Variants in IVD observed in about 807,000 individuals in gnomAD.
The protein encoded by IVD is isovaleryl-CoA dehydrogenase.
A neutral mutation model predicts 51.3 loss-of-function variants in IVD; 31 were observed. That is an observed-to-expected ratio of 0.60 (90% CI 0.45 to 0.81). The LOEUF (loss-of-function observed/expected upper bound fraction) is 0.81. Ranked by LOEUF, IVD falls within the 40% of genes least tolerant of loss-of-function variation. IVD has a pLI of 0.00. For synonymous variants in IVD, 205 were observed against 219.4 expected, an observed-to-expected ratio of 0.93 and a Z score of 0.58; for missense variants, 475 against 552.0, an observed-to-expected ratio of 0.86 and a Z score of 1.40.
In IVD at chr15:40,420,581, C is replaced by A; in HGVS notation, c.*2318C>A. 1.0e-6 allele frequency: 1 copy of A among 987,588 alleles called. No homozygotes were observed. The highest frequency in any genetic ancestry group is 1.2e-6 in the Non-Finnish European group (1 of 830,120). The allele number at this position is 987,588 out of a possible 1,614,324, so 61.2% of individuals were successfully genotyped here. A position where few individuals can be genotyped will look rare whatever the true frequency, so the allele number is the denominator to read the frequency against. ...TTCATGAGGGACAGGAAGGTAAAATCAGCCCTTAGGAGAGAGGTCTCAGCC... is the reference window on the plus strand; with the variant it reads ...TTCATGAGGGACAGGAAGGTAAAATAAGCCCTTAGGAGAGAGGTCTCAGCC... On this transcript the variant is annotated 3_prime_UTR_variant, in exon 12 of 12. Transcript: ENST00000487418.
chr15:40,416,363 G>A lies in IVD; in HGVS notation c.1138+1G>A, dbSNP rs1193235415. Reference sequence around the variant, plus strand: ...GCCCTGGACGGCATTCAGTGTTTTGGTGAGTGATCCCCACTTCCCAGTCCC... The same window carrying A: ...GCCCTGGACGGCATTCAGTGTTTTGATGAGTGATCCCCACTTCCCAGTCCC... On this transcript the variant is annotated splice_donor_variant, in intron 11 of 11. Coordinates refer to ENST00000487418, the MANE Select transcript of IVD (RefSeq NM_002225.5). LOFTEE classifies it high-confidence loss of function. 6.2e-7 allele frequency: 1 copy of A among 1,613,636 alleles called. No individual in the cohort carries two copies. The highest frequency in any genetic ancestry group is 1.7e-5 in the Admixed American group (1 of 60,008).
downstream of IVD, among the ~76,000 whole-genome samples, chr15:40,427,936 C>T (rs529845123): frequency 4.6e-5 from 7 of 152,266 alleles, no homozygotes; most frequent in East Asian, 1.4e-3. Context: ...AATCCCAGCA[C>T]TTTGGGAGGC....
rs745745414 is a variant in IVD at position 40,418,259 on chromosome 15, A to G, written c.1268A>G (p.His423Arg). The change falls in exon 12 of 12, where the codon CAC becomes CGC. Residue 423 changes from histidine to arginine, a missense_variant. Transcript: ENST00000487418. ...VIGRAFNADF[H>R] ...GGCAGAGCCTTCAATGCAGACTTTCACTAGTCCTGAGACCCTTCGCCCCCT... is the reference window on the plus strand; with the variant it reads ...GGCAGAGCCTTCAATGCAGACTTTCGCTAGTCCTGAGACCCTTCGCCCCCT... 1.2e-6 allele frequency: 2 copies of G among 1,614,044 alleles called. No individual in the cohort carries two copies. The highest frequency in any genetic ancestry group is 2.2e-5 in the East Asian group (1 of 44,878).
rs775191878 is a variant in IVD at position 40,416,198 on chromosome 15, A to C, written c.1065+16A>C. The C allele has an allele frequency of 6.8e-6, 11 of 1,613,508 alleles. No individual in the cohort carries two copies. The highest frequency in any genetic ancestry group is 8.5e-6 in the Non-Finnish European group (10 of 1,179,380). On this transcript the variant is annotated intron_variant, in intron 10 of 11. Coordinates refer to ENST00000487418, the MANE Select transcript of IVD (RefSeq NM_002225.5). ...CACTGCTAAGGTGAGGGCCAGCCTC[A>C]GTCGGGGAGAGGCGGGGGCAGTGGA...
chr15:40,418,320 G>A lies in IVD; in HGVS notation c.*57G>A. 6.2e-7 allele frequency: 1 copy of A among 1,609,918 alleles called. No individual in the cohort carries two copies. ...CTAGTGGCCTTTCTTGGGAAGTAGA[G>A]ATGTGGCGGCTTTCCCACCCTGCCC... On this transcript the variant is annotated 3_prime_UTR_variant, in exon 12 of 12. Coordinates refer to ENST00000487418, the MANE Select transcript of IVD (RefSeq NM_002225.5).
At chr15:40,417,150 C>T (rs1345014439) in intron 11 of IVD, among the ~76,000 whole-genome samples, 2 of 142,544 alleles carry the variant, frequency 1.4e-5, no homozygotes, top group Admixed American at 7.0e-5. Flanking sequence ...GTTGCAGTGA[C>T]CGGAGATCGC....
downstream of IVD, among the ~76,000 whole-genome samples, chr15:40,424,695 T>G (rs1356173046): frequency 1.3e-5 from 2 of 152,206 alleles, no homozygotes; most frequent in Non-Finnish European, 1.5e-5. Context: ...ACAACAAATA[T>G]TTATTGAAAG....
chr15:40,410,287 C>T (rs1477065687), intron 3 of IVD, among the ~76,000 whole-genome samples: 7 of 152,234 alleles, frequency 4.6e-5, no homozygotes, highest in Admixed American at 4.6e-4. Flanking sequence ...TCCAGGCCCT[C>T]TTTCTTCATT....
chr15:40,406,482 T>A, intron 1 of IVD: 1 of 546,538 alleles, frequency 1.8e-6, no homozygotes, highest in South Asian at 1.7e-5. Context: ...AACACAAAAG[T>A]TGAACAAGTA....
At chr15:40,422,751 C>T (rs1258428441), downstream of IVD, among the ~76,000 whole-genome samples, 1 of 81,386 alleles carries the variant, frequency 1.2e-5, no homozygotes, top group Non-Finnish European at 3.0e-5. Flanking sequence ...AGGCATGTGC[C>T]ACCATGCCTG....
intron 3 of IVD, among the ~76,000 whole-genome samples, chr15:40,409,416 A>G (rs1467474328): frequency 6.6e-6 from 1 of 151,528 alleles, no homozygotes; most frequent in Non-Finnish European, 1.5e-5. Flanking sequence ...AAAAAAAAAG[A>G]AAAGAAATCA....
intron 7 of IVD, among the ~76,000 whole-genome samples, chr15:40,433,644 G>T (rs1162096845): frequency 6.6e-6 from 1 of 152,172 alleles, no homozygotes; most frequent in Non-Finnish European, 1.5e-5. Flanking sequence ...CCCAAACCTA[G>T]ATCATCACAG....
At chr15:40,421,317 C>T, downstream of IVD, 3 of 985,396 alleles carry the variant, frequency 3.0e-6, no homozygotes, top group Non-Finnish European at 3.6e-6. Context: ...AACCATGCAG[C>T]CTGAGTGGTA....
At chr15:40,435,559 A>G (rs755341343), downstream of IVD, 46 of 1,157,930 alleles carry the variant, frequency 4.0e-5, no homozygotes, top group South Asian at 8.1e-5. Context: ...TGCTCCCCCA[A>G]CTCGCCTCTT....
downstream of IVD, among the ~76,000 whole-genome samples, chr15:40,426,575 G>A (rs1204320144): frequency 6.6e-6 from 1 of 151,982 alleles, no homozygotes; most frequent in East Asian, 1.9e-4. Flanking sequence ...ATTCCTGTGG[G>A]TATCTTCTGA....
chr15:40,430,714 C>T (rs1892924989), intron 7 of IVD, among the ~76,000 whole-genome samples: 1 of 56,596 alleles, frequency 1.8e-5, no homozygotes, highest in Admixed American at 1.8e-4. Flanking sequence ...GTTCTTGACT[C>T]TTAAAACTGC....
downstream of IVD, among the ~76,000 whole-genome samples, chr15:40,428,566 C>T (rs1253993516): frequency 6.6e-6 from 1 of 152,148 alleles, no homozygotes; most frequent in Non-Finnish European, 1.5e-5. Flanking sequence ...ATGGCCAAGC[C>T]GCCCAGGTGC....
intron 3 of IVD, among the ~76,000 whole-genome samples, chr15:40,408,882 G>A (rs368046360): frequency 2.6e-5 from 4 of 151,852 alleles, no homozygotes; most frequent in African/African-American, 9.7e-5. Context: ...CCTGGGAGGC[G>A]GAGGTTGCAG....
chr15:40,426,271 C>T (rs1892667487), downstream of IVD, among the ~76,000 whole-genome samples: 3 of 152,056 alleles, frequency 2.0e-5, no homozygotes, highest in Admixed American at 1.3e-4. Flanking sequence ...GACGCGGTGG[C>T]TTATACCTGT....
Sources: allele counts gnomAD v4.1 joint callset (sites outside exome capture counted in the v4.1 genomes callset), GRCh38; gene constraint gnomAD v4.1.1; transcripts MANE v1.5; gene names NCBI Gene and HGNC (gene_info 2026-07-23, HGNC 2026-07-21).